The following STXBP5L variants were observed in gnomAD, a reference collection of about 807,000 sequenced individuals.
STXBP5L encodes syntaxin binding protein 5L, also known as syntaxin-binding protein 5-like.
In STXBP5L, 65 loss-of-function variants were observed where a neutral mutation model predicts 144.5. The ratio of observed to expected loss-of-function variants is 0.45; its 90% CI spans 0.37 to 0.55. The LOEUF is 0.55. Ranked by LOEUF, STXBP5L falls within the 20% of genes least tolerant of loss-of-function variation. STXBP5L has a pLI of 0.00. For synonymous variants in STXBP5L, 505 were observed against 469.6 expected, an observed-to-expected ratio of 1.08 and a Z score of -0.97; for missense variants, 1,298 against 1,405.5, an observed-to-expected ratio of 0.92 and a Z score of 1.22.
At chr3:120,949,407 C>A (rs1711057679) in intron 2 of STXBP5L, among the ~76,000 whole-genome samples, 1 of 152,038 alleles carries the variant, frequency 6.6e-6, no homozygotes, top group South Asian at 2.1e-4. Context: ...TGTGCAGAAG[C>A]TTTTTAGTTT....
At chr3:121,393,100 T>A (rs1032825196) in intron 22 of STXBP5L, among the ~76,000 whole-genome samples, 1 of 151,954 alleles carries the variant, frequency 6.6e-6, no homozygotes, top group Non-Finnish European at 1.5e-5. Context: ...TCTATTTTTT[T>A]ATTTTTTATT....
intron 3 of STXBP5L, among the ~76,000 whole-genome samples, chr3:120,982,009 A>G (rs1941824798): frequency 6.6e-6 from 1 of 152,170 alleles, no homozygotes; most frequent in South Asian, 2.1e-4. Context: ...TGTCCTGGGT[A>G]TTTGAGCAGG....
At chr3:121,103,881 G>C (rs1229796703) in intron 5 of STXBP5L, among the ~76,000 whole-genome samples, 2 of 152,122 alleles carry the variant, frequency 1.3e-5, no homozygotes, top group Admixed American at 6.6e-5. Flanking sequence ...TGCCACTTAA[G>C]TTTTAGTGAA....
At chr3:121,353,466 G>A (rs889361570) in intron 20 of STXBP5L, among the ~76,000 whole-genome samples, 1 of 152,086 alleles carries the variant, frequency 6.6e-6, no homozygotes, top group Non-Finnish European at 1.5e-5. Context: ...TAGTTTATTT[G>A]CATAGAGGTG....
intron 22 of STXBP5L, among the ~76,000 whole-genome samples, chr3:121,382,842 A>G (rs548663220): frequency 6.6e-6 from 1 of 152,316 alleles, no homozygotes; most frequent in East Asian, 1.9e-4. Flanking sequence ...AAAATACAAA[A>G]TAAGTATAGA....
At chr3:121,092,124 G>T (rs1163181607) in intron 5 of STXBP5L, among the ~76,000 whole-genome samples, 1 of 151,060 alleles carries the variant, frequency 6.6e-6, no homozygotes, top group African/African-American at 2.4e-5. Flanking sequence ...TGTTCTATTG[G>T]TCTATATCTC....
intron 2 of STXBP5L, among the ~76,000 whole-genome samples, chr3:120,912,119 CT>C (rs1468287802): frequency 6.6e-6 from 1 of 151,926 alleles, no homozygotes. Context: ...AATTTATGAC[CT>C]TTTCTACATC....
intron 3 of STXBP5L, among the ~76,000 whole-genome samples, chr3:121,028,487 T>C (rs1366803081): frequency 6.6e-6 from 1 of 152,118 alleles, no homozygotes; most frequent in Non-Finnish European, 1.5e-5. Context: ...TTATATGATA[T>C]TCAAAAGTAA....
chr3:121,197,842 T>C (rs1011326537), intron 9 of STXBP5L, among the ~76,000 whole-genome samples: 5 of 152,226 alleles, frequency 3.3e-5, no homozygotes, highest in African/African-American at 1.2e-4. Context: ...ATTTTACGGT[T>C]GCATAGTATT....
At chr3:121,007,414 T>C (rs1944417644) in intron 3 of STXBP5L, among the ~76,000 whole-genome samples, 1 of 152,048 alleles carries the variant, frequency 6.6e-6, no homozygotes, top group African/African-American at 2.4e-5. Flanking sequence ...GAGAATTATT[T>C]GCATCTATTC....
chr3:121,072,360 G>C (rs1247949574), intron 5 of STXBP5L, among the ~76,000 whole-genome samples: 1 of 152,366 alleles, frequency 6.6e-6, no homozygotes, highest in South Asian at 2.1e-4. Flanking sequence ...GCCATGGATT[G>C]TTTTGGGCAC....
chr3:121,380,866 T>C (rs575987482), intron 21 of STXBP5L, among the ~76,000 whole-genome samples: 11 of 152,250 alleles, frequency 7.2e-5, no homozygotes, highest in South Asian at 4.1e-4. Context: ...ATCGCCACAG[T>C]ATTGTCATTG....
intron 3 of STXBP5L, among the ~76,000 whole-genome samples, chr3:120,969,831 A>T (rs1940034802): frequency 6.6e-6 from 1 of 151,560 alleles, no homozygotes; most frequent in Admixed American, 6.6e-5. Context: ...ACATTTTATT[A>T]CTTGTTTTCT....
chr3:121,219,198 A>G (rs338975), intron 10 of STXBP5L, among the ~76,000 whole-genome samples: 72,282 of 151,926 alleles, frequency 0.48, 17,759 homozygotes, highest in East Asian at 0.73. Context: ...AGGAGGTTAA[A>G]AAGCAGAGGG....
At chr3:121,241,026 T>C (rs1315694642) in intron 14 of STXBP5L, among the ~76,000 whole-genome samples, 1 of 151,826 alleles carries the variant, frequency 6.6e-6, no homozygotes, top group East Asian at 1.9e-4. Context: ...GAAGATAGAG[T>C]AAATATATTT....
intron 10 of STXBP5L, among the ~76,000 whole-genome samples, chr3:121,221,971 A>G (rs539764109): frequency 6.6e-6 from 1 of 152,178 alleles, no homozygotes; most frequent in Admixed American, 6.6e-5. Flanking sequence ...ACGGAAGAGA[A>G]AAGGAAATCT....
intron 7 of STXBP5L, among the ~76,000 whole-genome samples, chr3:121,132,993 G>A (rs1412345894): frequency 4.6e-5 from 7 of 152,092 alleles, no homozygotes; most frequent in Non-Finnish European, 1.0e-4. Flanking sequence ...GGGACTTATG[G>A]GGTACAATTA....
At chr3:121,055,462 C>G (rs1024946974) in intron 5 of STXBP5L, among the ~76,000 whole-genome samples, 3 of 152,098 alleles carry the variant, frequency 2.0e-5, no homozygotes, top group Non-Finnish European at 2.9e-5. Context: ...AAGGCAGAAT[C>G]CAGCCTTAGA....
intron 19 of STXBP5L, among the ~76,000 whole-genome samples, chr3:121,310,569 C>T (rs1001377897): frequency 6.6e-6 from 1 of 151,544 alleles, no homozygotes; most frequent in African/African-American, 2.4e-5. Flanking sequence ...GAGCCGAAAT[C>T]GTGCCACTGC....
Sources: gnomAD v4.1 joint callset for allele counts (sites outside exome capture counted in the v4.1 genomes callset) on GRCh38, gnomAD v4.1.1 for gene constraint, MANE v1.5 for transcripts, NCBI Gene and HGNC (gene_info 2026-07-23, HGNC 2026-07-21) for gene names.